Variants in PXYLP1 observed in about 807,000 individuals in gnomAD.
The protein encoded by PXYLP1 is acid phosphatase-like 2.
PXYLP1 carries 17 observed loss-of-function variants against 37.9 expected under a neutral mutation model. That is an observed-to-expected ratio of 0.45 (90% CI 0.31 to 0.67). The LOEUF is 0.67. Among genes scored for constraint, PXYLP1 ranks in the 30% least tolerant of loss-of-function variants. The probability of loss-of-function intolerance (pLI) is 0.07; values close to 1 mark genes in which losing one functional copy is unlikely to be tolerated. For missense variants in PXYLP1, 511 were observed against 612.0 expected (o/e 0.84, Z 1.74); for synonymous variants, 221 against 232.2 (o/e 0.95, Z 0.44).
At chr3:141,264,137 A>C (rs1308458416) in intron 2 of PXYLP1, among the ~76,000 whole-genome samples, 2 of 151,438 alleles carry the variant, frequency 1.3e-5, no homozygotes, top group African/African-American at 4.9e-5. Flanking sequence ...AGTCGAAGGA[A>C]ATGCTGAAGG....
At chr3:141,265,082 G>T (rs7432873) in intron 2 of PXYLP1, among the ~76,000 whole-genome samples, 3 of 152,164 alleles carry the variant, frequency 2.0e-5, no homozygotes, top group African/African-American at 4.8e-5. Flanking sequence ...GAGTACAGGT[G>T]CTCCTGGCCA....
intron 2 of PXYLP1, among the ~76,000 whole-genome samples, chr3:141,261,584 T>C (rs1375941567): frequency 5.3e-5 from 8 of 152,168 alleles, no homozygotes; most frequent in Non-Finnish European, 4.4e-5. Flanking sequence ...AACATCAGCC[T>C]CCCTAAGTTC....
intron 1 of PXYLP1, among the ~76,000 whole-genome samples, chr3:141,254,061 A>G (rs1324949540): frequency 6.6e-6 from 1 of 152,016 alleles, no homozygotes; most frequent in African/African-American, 2.4e-5. Context: ...ACAAGTGTAT[A>G]CCACTATGCC....
intron 2 of PXYLP1, chr3:141,267,498 G>C (rs1941547507): frequency 6.6e-6 from 1 of 151,626 alleles, no homozygotes; most frequent in African/African-American, 2.4e-5. Flanking sequence ...TGTATTTTTT[G>C]TTAATTTTGG....
chr3:141,232,680 C>CAGAG (rs200759223), intron 1 of PXYLP1, among the ~76,000 whole-genome samples: 1 of 151,296 alleles, frequency 6.6e-6, no homozygotes, highest in South Asian at 2.1e-4. Flanking sequence ...CACACACACA[C>CAGAG]AGAGAGAGAG....
intron 3 of PXYLP1, among the ~76,000 whole-genome samples, chr3:141,279,157 C>T (rs1487585054): frequency 6.6e-6 from 1 of 152,220 alleles, no homozygotes; most frequent in Non-Finnish European, 1.5e-5. Context: ...AATCAGCCTA[C>T]TCATGTTCCT....
intron 4 of PXYLP1, 129 bp downstream of exon 4, chr3:141,279,633 T>G (rs1941899009): frequency 8.7e-7 from 1 of 1,143,470 alleles, no homozygotes; most frequent in African/African-American, 1.5e-5. Context: ...GTCCTACATG[T>G]GAGTGCCATT....
chr3:141,239,553 T>G (rs1940746158), intron 1 of PXYLP1, among the ~76,000 whole-genome samples: 1 of 152,214 alleles, frequency 6.6e-6, no homozygotes, highest in South Asian at 2.1e-4. Flanking sequence ...CTCTAATGAC[T>G]GCTGATTATC....
At chr3:141,242,469 C>T (rs1205700456) in intron 1 of PXYLP1, among the ~76,000 whole-genome samples, 2 of 152,186 alleles carry the variant, frequency 1.3e-5, no homozygotes, top group Non-Finnish European at 2.9e-5. Context: ...AGGGCTGAGC[C>T]AGGGTTTAGC....
chr3:141,232,455 T>C (rs1190171473), intron 1 of PXYLP1: 4 of 152,244 alleles, frequency 2.6e-5, no homozygotes, highest in Admixed American at 2.6e-4. Flanking sequence ...CGGCCGCAAC[T>C]TCGCGGCCTT....
rs149252159 is a variant in PXYLP1 at position 141,293,384 on chromosome 3, G to T, written c.*179G>T. 4.6e-6 allele frequency: 3 copies of T among 651,076 alleles called. No homozygotes were observed. The highest frequency in any genetic ancestry group is 7.7e-6 in the Non-Finnish European group (3 of 388,804). 40.3% of individuals were successfully genotyped at this position (651,076 alleles called of 1,614,324 possible). ...TAAGCACATTGCTGCAATGTGGTAC[G>T]TGAATTGCTTGGTACAAAATGGCCA... On this transcript the variant is annotated 3_prime_UTR_variant, in exon 6 of 6. Transcript: ENST00000286353.
At chr3:141,242,429 A>G (rs1422525882) in intron 1 of PXYLP1, among the ~76,000 whole-genome samples, 1 of 152,208 alleles carries the variant, frequency 6.6e-6, no homozygotes, top group Non-Finnish European at 1.5e-5. Context: ...AAGGGTTCTG[A>G]TAACTGTGCT....
At chr3:141,282,288 C>T (rs1941973062) in intron 4 of PXYLP1, among the ~76,000 whole-genome samples, 1 of 152,204 alleles carries the variant, frequency 6.6e-6, no homozygotes, top group Non-Finnish European at 1.5e-5. Flanking sequence ...CTAGAAGGCT[C>T]TTCCCACAGA....
At chr3:141,245,902 G>C (rs1940923825) in intron 1 of PXYLP1, among the ~76,000 whole-genome samples, 1 of 152,196 alleles carries the variant, frequency 6.6e-6, no homozygotes. Flanking sequence ...TGTTTGGATA[G>C]AGAGATTATG....
At chr3:141,266,018 C>A (rs973212646) in intron 2 of PXYLP1, among the ~76,000 whole-genome samples, 1 of 152,100 alleles carries the variant, frequency 6.6e-6, no homozygotes, top group Non-Finnish European at 1.5e-5. Flanking sequence ...CAGTGTCCTG[C>A]CTAAGAGTGG....
intron 1 of PXYLP1, among the ~76,000 whole-genome samples, chr3:141,241,910 T>C (rs6439991): frequency 0.39 from 59,989 of 152,150 alleles, 16,407 homozygotes; most frequent in African/African-American, 0.77. Flanking sequence ...TCTTGTGCCC[T>C]GTCCCTCTGT....
At chr3:141,265,270 G>A (rs897954050) in intron 2 of PXYLP1, among the ~76,000 whole-genome samples, 1 of 151,662 alleles carries the variant, frequency 6.6e-6, no homozygotes, top group East Asian at 1.9e-4. Flanking sequence ...CTACAGTCCA[G>A]CACAGTGTTT....
At chr3:141,254,064 A>T (rs190504998) in intron 1 of PXYLP1, among the ~76,000 whole-genome samples, 1 of 152,124 alleles carries the variant, frequency 6.6e-6, no homozygotes, top group African/African-American at 2.4e-5. Context: ...AGTGTATACC[A>T]CTATGCCCGA....
intron 2 of PXYLP1, among the ~76,000 whole-genome samples, chr3:141,269,591 T>C (rs1195257693): frequency 2.6e-5 from 4 of 152,192 alleles, no homozygotes; most frequent in South Asian, 4.1e-4. Flanking sequence ...CATTGTCCCA[T>C]GGGGTTTCAG....
Sources: allele counts gnomAD v4.1 joint callset (sites outside exome capture counted in the v4.1 genomes callset), GRCh38; gene constraint gnomAD v4.1.1; transcripts MANE v1.5; gene names NCBI Gene and HGNC (gene_info 2026-07-23, HGNC 2026-07-21).